ZCCHC7: variants seen among roughly 807,000 people sequenced by gnomAD.
The protein encoded by ZCCHC7 is zinc finger CCHC-type containing 7, also known as zinc finger CCHC domain-containing protein 7.
ZCCHC7 carries 35 observed loss-of-function variants against 52.0 expected under a neutral mutation model. The ratio of observed to expected loss-of-function variants is 0.67; its 90% CI spans 0.51 to 0.89. ZCCHC7 has a LOEUF of 0.89. ZCCHC7 is among the 40% of genes least tolerant of loss of function. ZCCHC7 has a pLI of 0.00. For synonymous variants in ZCCHC7, 217 were observed against 221.5 expected (o/e 0.98, Z 0.18); for missense variants, 574 against 649.1 (o/e 0.88, Z 1.26).
chr9:37,161,115 A>G (rs936643361), intron 2 of ZCCHC7, among the ~76,000 whole-genome samples: 2 of 151,608 alleles, frequency 1.3e-5, no homozygotes, highest in African/African-American at 4.8e-5. Context: ...ACAACTGGCT[A>G]ATTTTTGTAT....
At chr9:37,229,632 G>C (rs1019628050) in intron 2 of ZCCHC7, among the ~76,000 whole-genome samples, 1 of 152,144 alleles carries the variant, frequency 6.6e-6, no homozygotes, top group Non-Finnish European at 1.5e-5. Context: ...TATGAATGGA[G>C]CTTTTAGAAC....
At chr9:37,193,330 T>C (rs1379908199) in intron 2 of ZCCHC7, among the ~76,000 whole-genome samples, 1 of 152,160 alleles carries the variant, frequency 6.6e-6, no homozygotes, top group Non-Finnish European at 1.5e-5. Context: ...TAGTACACTT[T>C]TGTACTGTGT....
chr9:37,342,988 T>G (rs1002899185), intron 6 of ZCCHC7, among the ~76,000 whole-genome samples: 3 of 152,254 alleles, frequency 2.0e-5, no homozygotes, highest in Non-Finnish European at 2.9e-5. Context: ...TTCCATGCTT[T>G]TTCTTTGAAT....
chr9:37,203,513 T>C (rs560379083), intron 2 of ZCCHC7, among the ~76,000 whole-genome samples: 1 of 152,170 alleles, frequency 6.6e-6, no homozygotes, highest in Non-Finnish European at 1.5e-5. Context: ...TGTTTATGTG[T>C]TCTCGTTATT....
chr9:37,293,968 C>A (rs879253268), intron 2 of ZCCHC7, among the ~76,000 whole-genome samples: 1 of 152,114 alleles, frequency 6.6e-6, no homozygotes, highest in Non-Finnish European at 1.5e-5. Flanking sequence ...AAAATTGTTT[C>A]TGGTAAATTT....
chr9:37,209,368 C>T (rs957046720), intron 2 of ZCCHC7, among the ~76,000 whole-genome samples: 5 of 152,020 alleles, frequency 3.3e-5, no homozygotes, highest in Admixed American at 6.6e-5. Flanking sequence ...CAAGTATATT[C>T]CTGTCTTAGA....
chr9:37,283,792 A>G (rs1302260195), intron 2 of ZCCHC7, among the ~76,000 whole-genome samples: 1 of 152,210 alleles, frequency 6.6e-6, no homozygotes, highest in African/African-American at 2.4e-5. Flanking sequence ...TCATCAAAAT[A>G]AACTCTGACT....
intron 2 of ZCCHC7, among the ~76,000 whole-genome samples, chr9:37,159,803 C>T (rs1358531794): frequency 2.6e-5 from 4 of 152,062 alleles, no homozygotes; most frequent in African/African-American, 9.7e-5. Context: ...AGCAGAAAGA[C>T]ATCAGAAAAA....
chr9:37,250,582 G>A (rs1588551387), intron 2 of ZCCHC7, among the ~76,000 whole-genome samples: 4 of 152,230 alleles, frequency 2.6e-5, no homozygotes, highest in South Asian at 2.1e-4. Flanking sequence ...GATTACAGGC[G>A]TGAGCCACCA....
intron 2 of ZCCHC7, among the ~76,000 whole-genome samples, chr9:37,219,002 T>C (rs1365029175): frequency 6.6e-6 from 1 of 150,444 alleles, no homozygotes; most frequent in East Asian, 1.9e-4. Context: ...AGGCGGAGGT[T>C]GCAGTGAGCC....
intron 2 of ZCCHC7, among the ~76,000 whole-genome samples, chr9:37,231,371 A>T (rs1051452189): frequency 1.8e-4 from 28 of 152,244 alleles, no homozygotes; most frequent in African/African-American, 5.5e-4. Context: ...AGTAAACTTC[A>T]TGGCTTTTTA....
chr9:37,341,086 C>T (rs959203737), intron 6 of ZCCHC7, among the ~76,000 whole-genome samples: 3 of 152,096 alleles, frequency 2.0e-5, no homozygotes, highest in Admixed American at 2.0e-4. Context: ...ATGAAACATG[C>T]TTTCAAAATC....
intron 2 of ZCCHC7, among the ~76,000 whole-genome samples, chr9:37,227,244 A>G (rs899120677): frequency 3.9e-5 from 6 of 152,192 alleles, no homozygotes; most frequent in Non-Finnish European, 8.8e-5. Flanking sequence ...AGAATATGCA[A>G]AGAACTCTTA....
intron 2 of ZCCHC7, among the ~76,000 whole-genome samples, chr9:37,212,870 GT>G (rs1386290605): frequency 6.6e-6 from 1 of 151,066 alleles, no homozygotes; most frequent in East Asian, 1.9e-4. Flanking sequence ...ATGCACAGTA[GT>G]TTTGGGGTCA....
chr9:37,176,058 G>T (rs1588430639), intron 2 of ZCCHC7, among the ~76,000 whole-genome samples: 1 of 108,786 alleles, frequency 9.2e-6, no homozygotes, highest in African/African-American at 3.0e-5. Context: ...ATTTGTTTTT[G>T]TTTGTTTGTT....
intron 6 of ZCCHC7, among the ~76,000 whole-genome samples, chr9:37,347,323 G>C (rs1198342273): frequency 1.3e-5 from 2 of 152,096 alleles, no homozygotes; most frequent in Non-Finnish European, 2.9e-5. Flanking sequence ...GCCGCTTCAT[G>C]CTTCTCAATA....
intron 7 of ZCCHC7, among the ~76,000 whole-genome samples, chr9:37,352,190 C>A (rs1418894702): frequency 6.6e-6 from 1 of 152,164 alleles, no homozygotes; most frequent in Non-Finnish European, 1.5e-5. Flanking sequence ...ATACAAGACC[C>A]AAATAGGGAA....
chr9:37,278,129 A>G (rs1222817033), intron 2 of ZCCHC7, among the ~76,000 whole-genome samples: 1 of 151,704 alleles, frequency 6.6e-6, no homozygotes, highest in Non-Finnish European at 1.5e-5. Flanking sequence ...GCATAATCTT[A>G]ACTCACTGCA....
intron 6 of ZCCHC7, among the ~76,000 whole-genome samples, chr9:37,331,383 C>A (rs1830443125): frequency 6.6e-6 from 1 of 151,328 alleles, no homozygotes; most frequent in African/African-American, 2.4e-5. Context: ...CTGGAAATAC[C>A]CATTTAGAAA....
Sources: allele counts gnomAD v4.1 joint callset (sites outside exome capture counted in the v4.1 genomes callset), GRCh38; gene constraint gnomAD v4.1.1; transcripts MANE v1.5; gene names NCBI Gene and HGNC (gene_info 2026-07-23, HGNC 2026-07-21).